The following RICTOR variants were observed in gnomAD, a reference collection of about 807,000 sequenced individuals.
RICTOR encodes the protein RPTOR independent companion of MTOR complex 2.
RICTOR carries 49 observed loss-of-function variants against 214.9 expected under a neutral mutation model. That is an observed-to-expected ratio of 0.23 (90% CI 0.18 to 0.29). RICTOR has a LOEUF of 0.29. RICTOR is among the 10% of genes least tolerant of loss of function. The probability of loss-of-function intolerance (pLI) is 1.00; values close to 1 mark genes in which losing one functional copy is unlikely to be tolerated. For missense variants in RICTOR, 1,625 were observed against 2,047.0 expected (o/e 0.79, Z 3.98); for synonymous variants, 717 against 711.3 (o/e 1.01, Z -0.13).
rs1370428456 is a variant in RICTOR at position 38,942,889 on chromosome 5, T to C, written c.4996A>G (p.Arg1666Gly). The C allele has an allele frequency of 3.7e-6, 6 of 1,611,090 alleles. No individual in the cohort carries two copies. The highest frequency in any genetic ancestry group is 5.1e-6 in the Non-Finnish European group (6 of 1,177,330). ...TGTATGAACCTCCGACACGGAAGTC[T>C]GAATGTGCAGTGTGACAGCAAATGG... is the stretch of plus-strand genomic sequence containing the variant. The part of the protein sequence containing the change: ...VSHLLSHCTF[R>G]LPCRRFIQEL... Residue 1666 changes from arginine (R) to glycine (G), a missense_variant, in exon 37 of 38, where the codon AGA (arginine) becomes GGA (glycine). Physicochemically the swap from Arg to Gly is moderately radical, Grantham distance 125. Around this residue, in one of 5 missense-constraint regions of RICTOR, gnomAD observed 44 missense variants for 90.1 expected, o/e 0.49. Transcript: ENST00000357387.
chr5:39,031,442 T>A (rs965562518), intron 2 of RICTOR, among the ~76,000 whole-genome samples: 1 of 152,168 alleles, frequency 6.6e-6, no homozygotes, highest in Non-Finnish European at 1.5e-5. Flanking sequence ...TTCCTTTTTT[T>A]AAATTCTATC....
Position 38,962,865 on chromosome 5 carries a change from C to G in RICTOR, c.1566+11G>C. On this transcript the variant is annotated intron_variant, in intron 17 of 37. Coordinates refer to ENST00000357387, the MANE Select transcript of RICTOR (RefSeq NM_152756.5). ...GTGTTTAAGATGAAAATCATGATTT[C>G]ATGTCAGCACCTTAAGGATAAATAT... 1 of 1,605,188 alleles carries G rather than the reference C, an allele frequency of 6.2e-7. No homozygotes were observed. Among genetic ancestry groups the G allele is most frequent in the Non-Finnish European group, 8.5e-7 (1 of 1,172,322 alleles).
chr5:39,034,385 T>G (rs1756500896), intron 2 of RICTOR, among the ~76,000 whole-genome samples: 3 of 152,210 alleles, frequency 2.0e-5, no homozygotes, highest in Non-Finnish European at 4.4e-5. Context: ...GCTCCCAGCA[T>G]GAGCAATGCA....
At chr5:39,010,379 T>G (rs1184582185) in intron 3 of RICTOR, among the ~76,000 whole-genome samples, 1 of 152,198 alleles carries the variant, frequency 6.6e-6, no homozygotes, top group African/African-American at 2.4e-5. Flanking sequence ...GGCAGTTCTT[T>G]ATAGCACTGT....
chr5:38,942,222 C>A lies in RICTOR; in HGVS notation c.*82G>T. On this transcript the variant is annotated 3_prime_UTR_variant, in exon 38 of 38. Transcript: ENST00000357387. ...GATACTCCTGTCTTTGCTGCCTAGT[C>A]AGTCGTATTTTCTGAGGCTTTTAGG... 1 of 777,080 alleles carries A rather than the reference C, an allele frequency of 1.3e-6. No homozygotes were observed. The highest frequency in any genetic ancestry group is 2.2e-5 in the South Asian group (1 of 46,352). The allele number at this position is 777,080 out of a possible 1,614,324, so 48.1% of individuals were successfully genotyped here.
At chr5:38,966,123 A>C (rs1215306694) in intron 15 of RICTOR, among the ~76,000 whole-genome samples, 1 of 152,162 alleles carries the variant, frequency 6.6e-6, no homozygotes, top group African/African-American at 2.4e-5. Context: ...AAAACAAAAC[A>C]AAACAAAAAA....
At position 39,003,725 on chromosome 5, in the gene RICTOR, A is replaced by G. The variant is rs1041894099; in HGVS notation, c.196-103T>C. ...GGAAAATAAGGTATTTTTATGGAAT[A>G]ATATTTTGAAAAATATGATTTTACT... On this transcript the variant is annotated intron_variant, in intron 3 of 37. Transcript: ENST00000357387. The G allele has an allele frequency of 1.3e-5, 8 of 621,200 alleles. No homozygotes were observed. The African/African-American group carries it at 1.5e-4, about 12-fold the overall frequency. 38.5% of individuals were successfully genotyped at this position (621,200 alleles called of 1,614,324 possible).
chr5:39,027,720 G>A (rs539329753), intron 2 of RICTOR, among the ~76,000 whole-genome samples: 17 of 152,182 alleles, frequency 1.1e-4, no homozygotes, highest in Admixed American at 3.3e-4. Context: ...CTTCCATCCC[G>A]CAGAAGCATT....
intron 25 of RICTOR, among the ~76,000 whole-genome samples, chr5:38,956,269 C>T (rs1413820692): frequency 2.6e-5 from 4 of 152,104 alleles, no homozygotes. Context: ...CTCTTCACTG[C>T]AACCTGTCAG....
At chr5:39,048,250 G>A (rs567909556) in intron 2 of RICTOR, among the ~76,000 whole-genome samples, 4 of 152,070 alleles carry the variant, frequency 2.6e-5, no homozygotes, top group Non-Finnish European at 4.4e-5. Context: ...GTATATTTGT[G>A]CAGAAAAAAA....
At chr5:39,047,369 A>G (rs1293366285) in intron 2 of RICTOR, among the ~76,000 whole-genome samples, 2 of 152,138 alleles carry the variant, frequency 1.3e-5, no homozygotes, top group African/African-American at 4.8e-5. Context: ...TCATGTTCCT[A>G]TGAGAATCTA....
chr5:38,995,521 T>C (rs1357515195), intron 6 of RICTOR, among the ~76,000 whole-genome samples: 2 of 151,766 alleles, frequency 1.3e-5, no homozygotes, highest in Non-Finnish European at 2.9e-5. Context: ...AAATAACTTA[T>C]CCATGTAACC....
chr5:38,948,043 T>C (rs776738614), intron 31 of RICTOR, among the ~76,000 whole-genome samples: 1 of 152,102 alleles, frequency 6.6e-6, no homozygotes, highest in Non-Finnish European at 1.5e-5. Context: ...AATGTACTCC[T>C]TACTACTAGA....
At chr5:38,999,497 A>T (rs747702518) in intron 5 of RICTOR, among the ~76,000 whole-genome samples, 1 of 152,166 alleles carries the variant, frequency 6.6e-6, no homozygotes, top group Non-Finnish European at 1.5e-5. Flanking sequence ...ACAAAAGATG[A>T]CTAGCAGAAC....
At position 38,945,287 on chromosome 5, in the gene RICTOR, G is replaced by A. The variant is rs144907937; in HGVS notation, c.4633+204C>T. ...TTCACAGTGGAAAAGACCTAATCCA[G>A]GGATCTGTCAGACTCAGGCCCCACT... On this transcript the variant is annotated intron_variant, in intron 34 of 37. Transcript: ENST00000357387. 4.7e-4 allele frequency: 286 copies of A among 608,198 alleles called. No homozygotes were observed. The African/African-American group carries it at 4.9e-3, about 11-fold the overall frequency. The allele number at this position is 608,198 out of a possible 1,614,324, so 37.7% of individuals were successfully genotyped here. A position where few individuals can be genotyped will look rare whatever the true frequency, so the allele number is the denominator to read the frequency against.
chr5:38,953,213 A>G lies in RICTOR; in HGVS notation c.2791-122T>C, dbSNP rs888795526. The G allele has an allele frequency of 1.6e-5, 11 of 667,526 alleles. No individual in the cohort carries two copies. The African/African-American group carries it at 2.0e-4, about 12-fold the overall frequency. 41.4% of individuals were successfully genotyped at this position (667,526 alleles called of 1,614,324 possible). On this transcript the variant is annotated intron_variant, in intron 28 of 37. Transcript: ENST00000357387. ...GAGAAAAAATGTAAAAGCCTCCTCA[A>G]GTACAAAACATTAGGCATGAATTAA...
intron 3 of RICTOR, among the ~76,000 whole-genome samples, chr5:39,014,115 T>G (rs1272034487): frequency 6.6e-6 from 1 of 152,128 alleles, no homozygotes; most frequent in Non-Finnish European, 1.5e-5. Flanking sequence ...AGCCTGGATA[T>G]GTAGTACACT....
chr5:38,957,694 A>G lies in RICTOR; in HGVS notation c.2457T>C (p.Asn819=). ...LSIPKGFSYL[N]ERGYVAKQLE... ...ATTGTTTTGCTACATAACCTCTTTC[A>G]TTCAGATAGGAAAATCCTTTTGGAA... The change falls in exon 25 of 38, where the codon AAT becomes AAC. Residue 819 remains asparagine (N), a synonymous_variant. Coordinates refer to ENST00000357387, the MANE Select transcript of RICTOR (RefSeq NM_152756.5). 6.3e-7 allele frequency: 1 copy of G among 1,593,186 alleles called. No individual in the cohort carries two copies. Among genetic ancestry groups the G allele is most frequent in the African/African-American group, 1.3e-5 (1 of 74,232 alleles).
intron 3 of RICTOR, among the ~76,000 whole-genome samples, chr5:39,020,000 G>A (rs1347786893): frequency 1.3e-5 from 2 of 152,194 alleles, no homozygotes; most frequent in East Asian, 3.8e-4. Flanking sequence ...CGTTCAAGGT[G>A]TCAGTGGAGG....
Sources: gnomAD v4.1 joint callset for allele counts (sites outside exome capture counted in the v4.1 genomes callset) on GRCh38, gnomAD v4.1.1 for gene constraint, gnomAD v4.1.1 regional missense constraint, MANE v1.5 for transcripts, NCBI Gene and HGNC (gene_info 2026-07-23, HGNC 2026-07-21) for gene names.